TNFAIP3: variants seen among roughly 807,000 people sequenced by gnomAD.
TNFAIP3 encodes tumor necrosis factor alpha-induced protein 3.
A neutral mutation model predicts 72.4 loss-of-function variants in TNFAIP3; 9 were observed. That is an observed-to-expected ratio of 0.12 (90% confidence interval 0.07 to 0.22). The LOEUF (loss-of-function observed/expected upper bound fraction) is 0.22, where lower values mean the gene tolerates loss of function less well. TNFAIP3 is among the 10% of genes least tolerant of loss of function. The pLI, the probability that TNFAIP3 is intolerant of heterozygous loss-of-function variation, is 1.00. For missense variants in TNFAIP3, 833 were observed against 1,018.7 expected (o/e 0.82, Z 2.48); for synonymous variants, 339 against 372.6 (o/e 0.91, Z 1.04).
intron 1 of TNFAIP3, among the ~76,000 whole-genome samples, chr6:137,869,323 G>GTGGATGGA (rs1459572421): frequency 1.3e-5 from 2 of 148,594 alleles, no homozygotes; most frequent in East Asian, 2.0e-4. Context: ...GGGTGGATGG[G>GTGGATGGA]TGGATGGATG....
Position 137,879,146 on chromosome 6 carries a change from C to T in TNFAIP3, c.1701C>T (p.Pro567=). The change falls in exon 7 of 9, where the codon CCC becomes CCT. Residue 567 remains proline, a synonymous_variant. Transcript: ENST00000612899. The part of the protein sequence containing the change: ...PSCHQRSKSD[P]SRLVRSPSPH... ...GTCACCAGCGTTCCAAGTCAGATCC[C>T]TCGCGGCTCGTCCGGAGCCCCTCCC... 1 of 1,614,182 alleles carries T rather than the reference C, an allele frequency of 6.2e-7. No individual in the cohort carries two copies. Among genetic ancestry groups the T allele is most frequent in the East Asian group, 2.2e-5 (1 of 44,876 alleles).
chr6:137,869,449 A>G (rs1238283116), intron 1 of TNFAIP3, among the ~76,000 whole-genome samples: 3 of 152,140 alleles, frequency 2.0e-5, no homozygotes, highest in Non-Finnish European at 4.4e-5. Flanking sequence ...GGAAAGGTAT[A>G]TGTGTTATTT....
intron 1 of TNFAIP3, among the ~76,000 whole-genome samples, chr6:137,869,610 C>T (rs563786810): frequency 1.1e-4 from 17 of 152,264 alleles, no homozygotes; most frequent in African/African-American, 3.9e-4. Flanking sequence ...GAAAACTCCT[C>T]AGGAGAAACC....
chr6:137,871,042 G>A lies in TNFAIP3; in HGVS notation c.-15-171G>A, dbSNP rs1319402984. 1.3e-5 allele frequency among the ~76,000 whole-genome samples: 2 copies of A among 152,196 alleles called. No homozygotes were observed. The highest frequency in any genetic ancestry group is 6.5e-5 in the Admixed American group (1 of 15,284). Reference sequence around the variant, plus strand: ...TGTAACTTAAAACAGTCCAGTGTGAGTTAATCTCTGGGGCCAGCTAGTATC... The same window carrying A: ...TGTAACTTAAAACAGTCCAGTGTGAATTAATCTCTGGGGCCAGCTAGTATC... On this transcript the variant is annotated intron_variant, in intron 1 of 8. Coordinates refer to ENST00000612899, the MANE Select transcript of TNFAIP3 (RefSeq NM_001270508.2). This position sits in a 1 kb window ranked among gnomAD's most constrained non-coding sequence, Gnocchi z 4.2.
intron 8 of TNFAIP3, 131 bp downstream of exon 8, chr6:137,880,383 T>A: frequency 1.0e-6 from 1 of 1,003,818 alleles, no homozygotes; most frequent in Non-Finnish European, 1.5e-6. Flanking sequence ...AAGGATTAAT[T>A]CAGAACCTGA....
chr6:137,879,074 T>A lies in TNFAIP3; in HGVS notation c.1629T>A (p.Thr543=). 1 of 1,614,180 alleles carries A rather than the reference T, an allele frequency of 6.2e-7. No homozygotes were observed. Among genetic ancestry groups the A allele is most frequent in the South Asian group, 1.1e-5 (1 of 91,082 alleles). ...TCTGCAGTACTTGCTTCAAAAGGAC[T>A]ACAGCAGAGGCCTCCTCCAGCCTCA... ...NGICSTCFKR[T]TAEASSSLST... is the part of the protein sequence containing the mutation. The change falls in exon 7 of 9, where the codon ACT becomes ACA. Residue 543 remains threonine (T), a synonymous_variant. Transcript: ENST00000612899.
chr6:137,866,806 A>G (rs1433290446), upstream of TNFAIP3: 1 of 152,228 alleles, frequency 6.6e-6, no homozygotes. Context: ...CCCGGGCGCC[A>G]GGGTGGTTTT....
chr6:137,877,489 C>A (rs1776292062), intron 6 of TNFAIP3, among the ~76,000 whole-genome samples: 1 of 152,218 alleles, frequency 6.6e-6, no homozygotes, highest in South Asian at 2.1e-4. Context: ...TCCTGGATAT[C>A]TGGATCCCAA....
upstream of TNFAIP3, chr6:137,866,799 G>A (rs1294524622): frequency 6.6e-6 from 1 of 152,374 alleles, no homozygotes; most frequent in Admixed American, 6.5e-5. Context: ...CTGCGGGCCC[G>A]GGCGCCAGGG....
intron 5 of TNFAIP3, chr6:137,876,405 T>C: frequency 2.4e-6 from 1 of 417,614 alleles, no homozygotes; most frequent in Non-Finnish European, 4.2e-6. Context: ...CACAGTGCTC[T>C]TAATACAGTG....
intron 3 of TNFAIP3, 76 bp from the exon 4 acceptor site, chr6:137,875,612 A>G (rs554058322): frequency 2.7e-6 from 4 of 1,501,042 alleles, no homozygotes; most frequent in Non-Finnish European, 3.6e-6. Context: ...ATAATTGTAG[A>G]GTGATGTCAG....
At chr6:137,876,232 T>C in intron 5 of TNFAIP3, 66 bp downstream of exon 5, 2 of 1,378,754 alleles carry the variant, frequency 1.5e-6, no homozygotes. Flanking sequence ...TCCTTTTTGC[T>C]TCTTATTAAA....
chr6:137,877,721 A>G (rs1045418986), intron 6 of TNFAIP3, among the ~76,000 whole-genome samples: 4 of 152,242 alleles, frequency 2.6e-5, no homozygotes, highest in Non-Finnish European at 4.4e-5. Flanking sequence ...ATTCTGCCAC[A>G]TGGAAATGGG....
rs1333487581 is a variant in TNFAIP3 at position 137,877,137 on chromosome 6, C to G, written c.867C>G (p.His289Gln). 1 of 1,613,872 alleles carries G rather than the reference C, an allele frequency of 6.2e-7. No individual in the cohort carries two copies. The highest frequency in any genetic ancestry group is 8.5e-7 in the Non-Finnish European group (1 of 1,179,918). Reference sequence around the variant, plus strand: ...GAAGATTTGAAGACTTAAAAGTTCACTTTTTGACAGATCCTGAAAATGAGA... The same window carrying G: ...GAAGATTTGAAGACTTAAAAGTTCAGTTTTTGACAGATCCTGAAAATGAGA... Reference protein sequence around the residue: ...DRGRFEDLKVHFLTDPENEMK... With the variant: ...DRGRFEDLKVQFLTDPENEMK... Residue 289 changes from histidine to glutamine, a missense_variant, in exon 6 of 9, where the codon CAC becomes CAG. Coordinates refer to ENST00000612899, the MANE Select transcript of TNFAIP3 (RefSeq NM_001270508.2).
rs748312513 is a variant in TNFAIP3 at position 137,879,156 on chromosome 6, G to T, written c.1711G>T (p.Val571Phe). 6.2e-7 allele frequency: 1 copy of T among 1,613,878 alleles called. No individual in the cohort carries two copies. Among genetic ancestry groups the T allele is most frequent in the East Asian group, 2.2e-5 (1 of 44,890 alleles). ...TTCCAAGTCAGATCCCTCGCGGCTC[G>T]TCCGGAGCCCCTCCCCGCATTCTTG... ...QRSKSDPSRL[V>F]RSPSPHSCHR... The change falls in exon 7 of 9, where the codon GTC (valine) becomes TTC (phenylalanine). Residue 571 changes from valine to phenylalanine, a missense_variant. This residue lies in a region of TNFAIP3 where 587 missense variants were observed against 657.8 expected (regional missense o/e 0.89). Coordinates refer to ENST00000612899, the MANE Select transcript of TNFAIP3 (RefSeq NM_001270508.2).
chr6:137,876,233 T>G, intron 5 of TNFAIP3, 67 bp downstream of exon 5: 2 of 1,370,260 alleles, frequency 1.5e-6, no homozygotes, highest in Non-Finnish European at 2.0e-6. Context: ...CCTTTTTGCT[T>G]CTTATTAAAA....
At chr6:137,879,985 G>A (rs1776391305) in intron 7 of TNFAIP3, 86 bp from the exon 8 acceptor site, 2 of 1,186,498 alleles carry the variant, frequency 1.7e-6, no homozygotes, top group African/African-American at 1.5e-5. Context: ...TCTGTATTTG[G>A]AACCCATTTA....
chr6:137,882,262 A>G lies in TNFAIP3; in HGVS notation c.*943A>G, dbSNP rs958052273. Reference sequence around the variant, plus strand: ...ATACACTGCTTGCATAAACTCAACCAGCTGCCTTTTTAAAGGGAGCTCTAG... The same window carrying G: ...ATACACTGCTTGCATAAACTCAACCGGCTGCCTTTTTAAAGGGAGCTCTAG... On this transcript the variant is annotated 3_prime_UTR_variant, in exon 9 of 9. Coordinates refer to ENST00000612899, the MANE Select transcript of TNFAIP3 (RefSeq NM_001270508.2). 1 of 232,286 alleles carries G rather than the reference A, an allele frequency of 4.3e-6. No individual in the cohort carries two copies. Among genetic ancestry groups the G allele is most frequent in the African/African-American group, 2.2e-5 (1 of 45,414 alleles). 14.4% of individuals were successfully genotyped at this position (232,286 alleles called of 1,614,324 possible). A position where few individuals can be genotyped will look rare whatever the true frequency, so the allele number is the denominator to read the frequency against.
intron 5 of TNFAIP3, among the ~76,000 whole-genome samples, chr6:137,876,659 A>G (rs532092823): frequency 1.3e-5 from 2 of 152,278 alleles, no homozygotes; most frequent in South Asian, 4.1e-4. Context: ...TGGAAATATT[A>G]TTTTACTGCA....
Sources: gnomAD v4.1 joint callset for allele counts (sites outside exome capture counted in the v4.1 genomes callset) on GRCh38, gnomAD v4.1.1 for gene constraint, gnomAD v4.1.1 regional missense constraint, Gnocchi (gnomAD v3.1) non-coding constraint, MANE v1.5 for transcripts, NCBI Gene and HGNC (gene_info 2026-07-23, HGNC 2026-07-21) for gene names.